GPR107: variants seen among roughly 807,000 people sequenced by gnomAD.
The protein encoded by GPR107 is protein GPR107.
GPR107 carries 31 observed loss-of-function variants against 75.5 expected under a neutral mutation model. The observed-to-expected ratio is 0.41, with a 90% CI of 0.31 to 0.55. GPR107 has a LOEUF of 0.55. Ranked by LOEUF, GPR107 falls within the 20% of genes least tolerant of loss-of-function variation. The pLI, the probability that GPR107 is intolerant of heterozygous loss-of-function variation, is 0.26. For missense variants in GPR107, 572 were observed against 665.7 expected (o/e 0.86, Z 1.55); for synonymous variants, 267 against 251.3 (o/e 1.06, Z -0.59).
intron 13 of GPR107, among the ~76,000 whole-genome samples, chr9:130,105,746 G>T (rs1430648724): frequency 6.6e-6 from 1 of 151,930 alleles, no homozygotes; most frequent in Non-Finnish European, 1.5e-5. Context: ...TCAGCAGACA[G>T]CTACCAGCAT....
intron 7 of GPR107, among the ~76,000 whole-genome samples, chr9:130,089,820 C>T (rs1050813767): frequency 6.6e-6 from 1 of 152,164 alleles, no homozygotes; most frequent in Admixed American, 6.5e-5. Flanking sequence ...ATCATTCCAG[C>T]TCATGTGTTC....
At chr9:130,086,943 A>AG (rs1830627588) in intron 7 of GPR107, among the ~76,000 whole-genome samples, 2 of 152,312 alleles carry the variant, frequency 1.3e-5, no homozygotes, top group South Asian at 4.1e-4. Flanking sequence ...ATGAGTGTTT[A>AG]GGGGCAGCAT....
chr9:130,056,866 A>G (rs1000585808), intron 1 of GPR107, among the ~76,000 whole-genome samples: 1 of 127,462 alleles, frequency 7.8e-6, no homozygotes, highest in African/African-American at 2.9e-5. Context: ...CGGAGCTTGC[A>G]GTGAGCCAAG....
intron 1 of GPR107, among the ~76,000 whole-genome samples, chr9:130,065,220 G>A (rs975523176): frequency 1.3e-5 from 2 of 149,052 alleles, no homozygotes; most frequent in African/African-American, 5.0e-5. Context: ...GGAGGCCGAG[G>A]TGGGCAATCA....
Position 130,116,350 on chromosome 9 carries a change from C to T in GPR107, c.1307-8565C>T, listed in dbSNP as rs187683746. Among the ~76,000 whole-genome samples, 79 of 152,328 alleles carry T rather than the reference C, an allele frequency of 5.2e-4. No individual in the cohort carries two copies. In the Middle Eastern group the frequency reaches 0.01, roughly 20 times the overall value. On this transcript the variant is annotated intron_variant, in intron 14 of 17. Transcript: ENST00000347136. ...CTTGAGACATTGTTGAGAACCAACT[C>T]TTCTCAACTGATGACTGCAGTATTT...
At chr9:130,120,180 A>G (rs964813329) in intron 14 of GPR107, among the ~76,000 whole-genome samples, 17 of 152,264 alleles carry the variant, frequency 1.1e-4, no homozygotes, top group Admixed American at 7.8e-4. Context: ...CCCAAGGTCC[A>G]TTTGTCAGTC....
At chr9:130,101,038 A>C in intron 11 of GPR107, 68 bp from the exon 12 acceptor site, 1 of 898,778 alleles carries the variant, frequency 1.1e-6, no homozygotes, top group South Asian at 1.3e-5. Flanking sequence ...AGAATGAGCT[A>C]TGCAATCTAA....
chr9:130,078,872 G>A (rs1272485215), intron 4 of GPR107, among the ~76,000 whole-genome samples: 2 of 152,184 alleles, frequency 1.3e-5, no homozygotes, highest in Non-Finnish European at 2.9e-5. Flanking sequence ...AACAAAATTG[G>A]GTCTCATGAG....
intron 9 of GPR107, among the ~76,000 whole-genome samples, chr9:130,096,449 T>C (rs1012567868): frequency 6.7e-6 from 1 of 150,240 alleles, no homozygotes; most frequent in African/African-American, 2.4e-5. Flanking sequence ...CTCAAATGTG[T>C]TGCATATACA....
At chr9:130,088,916 T>TC (rs1830671756) in intron 7 of GPR107, among the ~76,000 whole-genome samples, 1 of 152,112 alleles carries the variant, frequency 6.6e-6, no homozygotes, top group Admixed American at 6.6e-5. Context: ...ACACCTGTAA[T>TC]CCCAGCACTT....
chr9:130,085,696 G>T (rs1303545283), intron 6 of GPR107, among the ~76,000 whole-genome samples: 2 of 129,370 alleles, frequency 1.5e-5, no homozygotes, highest in African/African-American at 5.8e-5. Context: ...CATCCACATT[G>T]TTGCATGTAT....
rs537196723 is a variant in GPR107 at position 130,120,762 on chromosome 9, C to T, written c.1307-4153C>T. The T allele has an allele frequency of 2.0e-5, 3 of 152,412 alleles. No individual in the cohort carries two copies. The East Asian group carries it at 5.8e-4, about 29-fold the overall frequency. 9.4% of individuals were successfully genotyped at this position (152,412 alleles called of 1,614,324 possible). ...ATCCTTCCTCCACGGAGGGATTGTT[C>T]TCAAGTGTAGACCTGATCGTGGTGT... On this transcript the variant is annotated intron_variant, in intron 14 of 17. Transcript: ENST00000347136.
At chr9:130,065,603 C>T (rs565264338) in intron 1 of GPR107, among the ~76,000 whole-genome samples, 16 of 150,238 alleles carry the variant, frequency 1.1e-4, no homozygotes, top group African/African-American at 3.9e-4. Context: ...CCATCTCTAC[C>T]AAAAAATGCA....
At chr9:130,132,829 T>TTATATATATA (rs35291670) in intron 17 of GPR107, among the ~76,000 whole-genome samples, 2 of 147,698 alleles carry the variant, frequency 1.4e-5, no homozygotes, top group African/African-American at 5.0e-5. Context: ...TTTTATATAT[T>TTATATATATA]TATATATATA....
chr9:130,128,868 G>C, intron 17 of GPR107, 107 bp downstream of exon 17: 1 of 1,020,730 alleles, frequency 9.8e-7, no homozygotes, highest in Non-Finnish European at 1.5e-6. Context: ...GGCTGCAGGG[G>C]TGGTTCCTCT....
At chr9:130,083,499 G>A (rs1830541066) in intron 5 of GPR107, 66 bp from the exon 6 acceptor site, 2 of 920,938 alleles carry the variant, frequency 2.2e-6, no homozygotes, top group Non-Finnish European at 1.6e-6. Context: ...AAATGATACT[G>A]TAATATATAT....
In GPR107 at chr9:130,077,367, C is replaced by A. The variant is rs527454227; in HGVS notation, c.375C>A (p.Ile125=). 4.4e-5 allele frequency: 66 copies of A among 1,495,204 alleles called. No homozygotes were observed. The South Asian group carries it at 6.4e-4, about 15-fold the overall frequency. 92.6% of individuals were successfully genotyped at this position (1,495,204 alleles called of 1,614,324 possible). ...CTGTCACCCTTTTAATCCTAGACAT[C>A]TCCAGAAGTGAGTAAGTAATTCTAA... ...SVSVTLLILD[I]SRSEVRVKSP... is the part of the protein sequence containing the mutation. Residue 125 remains isoleucine (I), a synonymous_variant, in exon 4 of 18, where the codon ATC becomes ATA. Transcript: ENST00000347136.
intron 17 of GPR107, 85 bp from the exon 18 acceptor site, chr9:130,134,940 G>C: frequency 2.6e-6 from 2 of 784,096 alleles, no homozygotes; most frequent in Non-Finnish European, 4.4e-6. Context: ...CCCATCATCA[G>C]TCCTAATCAC....
At chr9:130,104,309 T>G in intron 12 of GPR107, 111 bp from the exon 13 acceptor site, 1 of 831,492 alleles carries the variant, frequency 1.2e-6, no homozygotes, top group Non-Finnish European at 2.0e-6. Context: ...AAGAATGCTG[T>G]GGTCGCAGAT....
Sources: gnomAD v4.1 joint callset for allele counts (sites outside exome capture counted in the v4.1 genomes callset) on GRCh38, gnomAD v4.1.1 for gene constraint, MANE v1.5 for transcripts, NCBI Gene and HGNC (gene_info 2026-07-23, HGNC 2026-07-21) for gene names.